Variants in CNTNAP5 observed in about 807,000 individuals in gnomAD.
CNTNAP5 encodes contactin-associated protein-like 5.
Under a neutral mutation model 150.2 loss-of-function variants are expected in CNTNAP5, and 72 were observed. The ratio of observed to expected loss-of-function variants is 0.48; its 90% CI spans 0.40 to 0.58. The LOEUF (loss-of-function observed/expected upper bound fraction) is 0.58. Among genes scored for constraint, CNTNAP5 ranks in the 20% least tolerant of loss-of-function variants. The pLI is 0.00. For missense variants in CNTNAP5, 1,636 were observed against 1,626.2 expected, an observed-to-expected ratio of 1.01 and a Z score of -0.10; for synonymous variants, 672 against 619.8, an observed-to-expected ratio of 1.08 and a Z score of -1.25.
At chr2:124,315,728 C>T (rs369073762) in intron 3 of CNTNAP5, among the ~76,000 whole-genome samples, 18 of 151,904 alleles carry the variant, frequency 1.2e-4, no homozygotes, top group East Asian at 3.9e-4. Flanking sequence ...TTCTTGGCTC[C>T]GCATGAAAGT....
chr2:124,628,293 A>C (rs1420268868), intron 12 of CNTNAP5, among the ~76,000 whole-genome samples: 1 of 152,170 alleles, frequency 6.6e-6, no homozygotes, highest in Non-Finnish European at 1.5e-5. Flanking sequence ...TGAAGCAAAA[A>C]AATGTTAAGA....
At chr2:124,431,958 C>T (rs1018192292) in intron 4 of CNTNAP5, among the ~76,000 whole-genome samples, 1 of 152,064 alleles carries the variant, frequency 6.6e-6, no homozygotes, top group Admixed American at 6.6e-5. Context: ...CAAATTTCCT[C>T]CATGTGGTTT....
chr2:124,821,239 A>T (rs1306759600), intron 19 of CNTNAP5, among the ~76,000 whole-genome samples: 17 of 152,238 alleles, frequency 1.1e-4, no homozygotes, highest in Admixed American at 1.1e-3. Flanking sequence ...GGGACAGAAA[A>T]CTAAGGAGAA....
At chr2:124,754,179 A>C (rs538589945) in intron 14 of CNTNAP5, among the ~76,000 whole-genome samples, 1 of 152,172 alleles carries the variant, frequency 6.6e-6, no homozygotes, top group African/African-American at 2.4e-5. Flanking sequence ...ACCACATAGT[A>C]TCTTGAGAAG....
chr2:124,408,689 G>A (rs1691663142), intron 3 of CNTNAP5, among the ~76,000 whole-genome samples: 1 of 151,642 alleles, frequency 6.6e-6, no homozygotes, highest in Non-Finnish European at 1.5e-5. Context: ...TCTGTTAGAA[G>A]GAAAACTAAC....
intron 3 of CNTNAP5, among the ~76,000 whole-genome samples, chr2:124,330,516 C>T (rs1439303946): frequency 2.6e-5 from 4 of 152,054 alleles, no homozygotes; most frequent in South Asian, 4.1e-4. Context: ...TGAGTTCTCA[C>T]GAGATCTGAT....
intron 22 of CNTNAP5, among the ~76,000 whole-genome samples, chr2:124,910,075 C>T (rs1002929920): frequency 4.6e-5 from 7 of 151,500 alleles, no homozygotes; most frequent in Admixed American, 1.3e-4. Context: ...GTTTCTGCTC[C>T]GATTTCAAGA....
At chr2:124,693,108 A>T (rs964356355) in intron 13 of CNTNAP5, among the ~76,000 whole-genome samples, 1 of 152,092 alleles carries the variant, frequency 6.6e-6, no homozygotes, top group Non-Finnish European at 1.5e-5. Flanking sequence ...TCAGAGACAC[A>T]CAGATACGGG....
At chr2:124,730,269 T>A (rs535468080) in intron 13 of CNTNAP5, among the ~76,000 whole-genome samples, 89 of 152,168 alleles carry the variant, frequency 5.8e-4, no homozygotes, top group African/African-American at 1.9e-3. Flanking sequence ...AGAGTGTTTG[T>A]ATCAGTACAT....
At chr2:124,410,587 G>A (rs1236217429) in intron 3 of CNTNAP5, among the ~76,000 whole-genome samples, 21 of 146,292 alleles carry the variant, frequency 1.4e-4, no homozygotes, top group African/African-American at 3.7e-4. Context: ...ACTCAAAACC[G>A]CTCAACTACA....
rs1322831016 is a variant in CNTNAP5, at chr2:124,815,704, G to A, written c.3217+17384G>A. Among the ~76,000 whole-genome samples the A allele has an allele frequency of 2.0e-5, 3 of 151,846 alleles. No homozygotes were observed. In the East Asian group the frequency reaches 5.8e-4, roughly 29 times the overall value. ...AGCGTCATGAAAATATACAACTCCAGTTTTCTTTTCTTTCTTTTTTTTTTC... is the reference window on the plus strand; with the variant it reads ...AGCGTCATGAAAATATACAACTCCAATTTTCTTTTCTTTCTTTTTTTTTTC... On this transcript the variant is annotated intron_variant, in intron 19 of 23. Transcript: ENST00000682447.
chr2:124,685,696 T>G (rs183872237), intron 13 of CNTNAP5, among the ~76,000 whole-genome samples: 1 of 152,078 alleles, frequency 6.6e-6, no homozygotes, highest in African/African-American at 2.4e-5. Context: ...GTCTATGTGG[T>G]TAATGCCTCT....
intron 3 of CNTNAP5, among the ~76,000 whole-genome samples, chr2:124,285,210 G>T (rs1241705351): frequency 6.6e-6 from 1 of 152,120 alleles, no homozygotes; most frequent in Non-Finnish European, 1.5e-5. Context: ...CCTTTGTAAT[G>T]CCTGAGTCAG....
chr2:124,603,803 A>G (rs1422356351), intron 11 of CNTNAP5, among the ~76,000 whole-genome samples: 1 of 152,194 alleles, frequency 6.6e-6, no homozygotes, highest in Non-Finnish European at 1.5e-5. Context: ...ATATATACAT[A>G]CATACCTACA....
At chr2:124,564,478 C>A (rs1229806126) in intron 11 of CNTNAP5, among the ~76,000 whole-genome samples, 3 of 152,146 alleles carry the variant, frequency 2.0e-5, no homozygotes, top group South Asian at 2.1e-4. Flanking sequence ...GCCTCAGCCT[C>A]CTGAATATCT....
At position 124,277,217 on chromosome 2, in the gene CNTNAP5, C is replaced by G. The variant is rs1252560739; in HGVS notation, c.381+34824C>G. 2.0e-5 allele frequency among the ~76,000 whole-genome samples: 3 copies of G among 152,120 alleles called. No individual in the cohort carries two copies. The East Asian group carries it at 5.8e-4, about 29-fold the overall frequency. On this transcript the variant is annotated intron_variant, in intron 3 of 23. Transcript: ENST00000682447. ...CTGGGGTTTGTTTCTCTATAAATAACCAGCAATGCACATCGCCATGCAAGA... is the reference window on the plus strand; with the variant it reads ...CTGGGGTTTGTTTCTCTATAAATAAGCAGCAATGCACATCGCCATGCAAGA...
At chr2:124,527,186 A>T in intron 9 of CNTNAP5, 99 bp from the exon 10 acceptor site, 1 of 978,346 alleles carries the variant, frequency 1.0e-6, no homozygotes, top group Non-Finnish European at 1.5e-6. Flanking sequence ...ATGAGAAAGC[A>T]CCAAACTAAT....
intron 14 of CNTNAP5, among the ~76,000 whole-genome samples, chr2:124,754,340 T>TA (rs1458541431): frequency 1.3e-5 from 2 of 152,190 alleles, no homozygotes; most frequent in African/African-American, 4.8e-5. Context: ...CTCTACTGCT[T>TA]ATTGAGTTTT....
intron 11 of CNTNAP5, among the ~76,000 whole-genome samples, chr2:124,591,336 A>C (rs550498374): frequency 6.6e-5 from 10 of 152,170 alleles, no homozygotes; most frequent in Admixed American, 3.3e-4. Context: ...AAGTCATTTC[A>C]TATACAGTGG....
Sources: gnomAD v4.1 joint callset for allele counts (sites outside exome capture counted in the v4.1 genomes callset) on GRCh38, gnomAD v4.1.1 for gene constraint, MANE v1.5 for transcripts, NCBI Gene and HGNC (gene_info 2026-07-23, HGNC 2026-07-21) for gene names.